The following ANKFN1 variants were observed in gnomAD, a reference collection of about 807,000 sequenced individuals.
ANKFN1 encodes the protein ankyrin repeat and fibronectin type III domain containing 1.
In ANKFN1, 74 loss-of-function variants were observed where a neutral mutation model predicts 108.7. The ratio of observed to expected loss-of-function variants is 0.68; its 90% CI spans 0.56 to 0.83. The LOEUF (loss-of-function observed/expected upper bound fraction) is 0.83, where lower values mean the gene tolerates loss of function less well. Among genes scored for constraint, ANKFN1 ranks in the 40% least tolerant of loss-of-function variants. The probability of loss-of-function intolerance (pLI) is 0.00; values close to 1 mark genes in which losing one functional copy is unlikely to be tolerated. For synonymous variants in ANKFN1, 547 were observed against 516.2 expected, an observed-to-expected ratio of 1.06 and a Z score of -0.81; for missense variants, 1,505 against 1,382.3, an observed-to-expected ratio of 1.09 and a Z score of -1.41.
Position 56,188,581 on chromosome 17 carries a change from G to GTATATATATATA in ANKFN1, c.-70-23993_-70-23982dup, listed in dbSNP as rs61556880. Among the ~76,000 whole-genome samples, 276 of 49,608 alleles carry GTATATATATATA rather than the reference G, an allele frequency of 5.6e-3. 11 individuals are homozygous for GTATATATATATA. The highest frequency in any genetic ancestry group is 0.014 in the Middle Eastern group (1 of 74). 32.5% of individuals were successfully genotyped at this position (49,608 alleles called of 152,430 possible). A position where few individuals can be genotyped will look rare whatever the true frequency, so the allele number is the denominator to read the frequency against. ...TGTGTGTATGTGTGTGTGTGTGTGT[G>GTATATATATATA]TATATATATATATATATATATATAT... On this transcript the variant is annotated intron_variant, in intron 1 of 20. Transcript: ENST00000682825.
chr17:56,077,128 A>G (rs558622193), intron 4 of ANKFN1, among the ~76,000 whole-genome samples: 2 of 152,322 alleles, frequency 1.3e-5, no homozygotes, highest in Admixed American at 1.3e-4. Flanking sequence ...GCAGGTAGAT[A>G]ATATTGGAGA....
chr17:56,459,323 C>T (rs976152534), intron 14 of ANKFN1, among the ~76,000 whole-genome samples: 1 of 152,116 alleles, frequency 6.6e-6, no homozygotes, highest in African/African-American at 2.4e-5. Flanking sequence ...GTAGGCCAGG[C>T]TGGTCTCGAA....
chr17:56,424,551 G>A (rs9905214), intron 8 of ANKFN1, among the ~76,000 whole-genome samples: 3,026 of 152,302 alleles, frequency 0.02, 93 homozygotes, highest in African/African-American at 0.067. Context: ...TGTTACTCTT[G>A]TAATGAGAAG....
chr17:56,241,932 A>G (rs1917613201), intron 3 of ANKFN1, among the ~76,000 whole-genome samples: 1 of 152,128 alleles, frequency 6.6e-6, no homozygotes, highest in African/African-American at 2.4e-5. Context: ...TGCTGGACAG[A>G]GAGAGGATTC....
At chr17:56,307,878 C>T (rs931625452) in intron 3 of ANKFN1, among the ~76,000 whole-genome samples, 1 of 152,138 alleles carries the variant, frequency 6.6e-6, no homozygotes, top group Non-Finnish European at 1.5e-5. Context: ...CACATATACA[C>T]CATGGAATAC....
At chr17:56,219,329 C>T (rs1028290398) in intron 2 of ANKFN1, among the ~76,000 whole-genome samples, 3 of 152,024 alleles carry the variant, frequency 2.0e-5, no homozygotes, top group Non-Finnish European at 4.4e-5. Flanking sequence ...TCACTGCAAC[C>T]TCCGCCTCCT....
chr17:56,445,692 G>T (rs1256013149), intron 10 of ANKFN1, among the ~76,000 whole-genome samples: 3 of 152,128 alleles, frequency 2.0e-5, no homozygotes, highest in Non-Finnish European at 2.9e-5. Flanking sequence ...TGGAAATTTG[G>T]TAATATGTTC....
chr17:56,466,833 G>T (rs570513679), intron 15 of ANKFN1, among the ~76,000 whole-genome samples: 27 of 152,290 alleles, frequency 1.8e-4, no homozygotes, highest in African/African-American at 6.5e-4. Flanking sequence ...GAGGCCAGGC[G>T]CAGTGGCTCA....
intron 18 of ANKFN1, among the ~76,000 whole-genome samples, chr17:56,488,294 G>C (rs1283928063): frequency 6.6e-6 from 1 of 152,142 alleles, no homozygotes; most frequent in Non-Finnish European, 1.5e-5. Flanking sequence ...AGAAGAGAGA[G>C]CAGAGAGATG....
At position 56,187,840 on chromosome 17, in the gene ANKFN1, C is replaced by G. The variant is rs550564384; in HGVS notation, c.-70-24758C>G. ...AGCAAACTATCGCAAGGACAGAAAA[C>G]CAAACACTGCATGTTCTCACCCATA... On this transcript the variant is annotated intron_variant, in intron 1 of 20. Coordinates refer to ENST00000682825, the MANE Select transcript of ANKFN1 (RefSeq NM_001370326.1). 2.6e-5 allele frequency among the ~76,000 whole-genome samples: 4 copies of G among 152,054 alleles called. No individual in the cohort carries two copies. The South Asian group carries it at 8.3e-4, about 32-fold the overall frequency.
intron 8 of ANKFN1, among the ~76,000 whole-genome samples, chr17:56,407,201 A>G (rs1598548140): frequency 6.6e-6 from 1 of 152,194 alleles, no homozygotes; most frequent in Admixed American, 6.5e-5. Flanking sequence ...CTGATTAAAA[A>G]CAGTCTACCA....
intron 6 of ANKFN1, among the ~76,000 whole-genome samples, chr17:56,357,617 T>C (rs115298870): frequency 0.015 from 2,337 of 152,242 alleles, 66 homozygotes; most frequent in African/African-American, 0.054. Context: ...TAGAAAAACA[T>C]AGTGTTTTCA....
At chr17:56,174,355 A>G in intron 1 of ANKFN1, 2 of 985,654 alleles carry the variant, frequency 2.0e-6, no homozygotes, top group South Asian at 4.7e-5. Flanking sequence ...TGTGCAAAGC[A>G]GCCACATTCT....
At chr17:56,184,380 A>G (rs1001129002) in intron 1 of ANKFN1, among the ~76,000 whole-genome samples, 1 of 152,220 alleles carries the variant, frequency 6.6e-6, no homozygotes, top group Non-Finnish European at 1.5e-5. Flanking sequence ...GCAATTTTAA[A>G]CAATATTTTA....
At chr17:56,322,577 T>TAC (rs1172066150) in intron 3 of ANKFN1, among the ~76,000 whole-genome samples, 1 of 152,208 alleles carries the variant, frequency 6.6e-6, no homozygotes. Context: ...CTTCCCTGCA[T>TAC]TATTCACTCC....
chr17:56,200,014 G>A (rs942801394), intron 1 of ANKFN1, among the ~76,000 whole-genome samples: 40 of 152,008 alleles, frequency 2.6e-4, no homozygotes, highest in Admixed American at 3.3e-4. Context: ...CATATCCTAC[G>A]AAGCTACTGG....
At chr17:56,184,855 C>A (rs1912038494) in intron 1 of ANKFN1, 1 of 152,184 alleles carries the variant, frequency 6.6e-6, no homozygotes, top group Non-Finnish European at 1.5e-5. Flanking sequence ...AACCAGAACT[C>A]CCCCTCAGCT....
chr17:56,509,430 G>C (rs1389679214), intron 20 of ANKFN1, among the ~76,000 whole-genome samples: 1 of 152,208 alleles, frequency 6.6e-6, no homozygotes, highest in Admixed American at 6.5e-5. Flanking sequence ...TGGAAGGAAA[G>C]AGAAAGAATG....
At chr17:56,455,532 C>A (rs2049657957) in intron 11 of ANKFN1, among the ~76,000 whole-genome samples, 1 of 152,218 alleles carries the variant, frequency 6.6e-6, no homozygotes, top group Non-Finnish European at 1.5e-5. Flanking sequence ...GGTTTCTATG[C>A]CTAACAGCAG....
Sources: gnomAD v4.1 joint callset for allele counts (sites outside exome capture counted in the v4.1 genomes callset) on GRCh38, gnomAD v4.1.1 for gene constraint, MANE v1.5 for transcripts, NCBI Gene and HGNC (gene_info 2026-07-23, HGNC 2026-07-21) for gene names.